The following DPP10 variants were observed in gnomAD, a reference collection of about 807,000 sequenced individuals.
The protein encoded by DPP10 is inactive dipeptidyl peptidase 10.
A neutral mutation model predicts 120.9 loss-of-function variants in DPP10; 33 were observed. The observed-to-expected ratio is 0.27, with a 90% CI of 0.21 to 0.37. DPP10 has a LOEUF of 0.37. Among genes scored for constraint, DPP10 ranks in the 10% least tolerant of loss-of-function variants. The probability of loss-of-function intolerance (pLI) is 1.00; values close to 1 mark genes in which losing one functional copy is unlikely to be tolerated. For synonymous variants in DPP10, 337 were observed against 326.1 expected (o/e 1.03, Z -0.36); for missense variants, 816 against 942.8 (o/e 0.87, Z 1.76).
intron 1 of DPP10, among the ~76,000 whole-genome samples, chr2:115,058,146 G>A (rs967252877): frequency 6.6e-6 from 1 of 152,076 alleles, no homozygotes; most frequent in African/African-American, 2.4e-5. Flanking sequence ...CAGACTCTGC[G>A]AGAACATTCC....
Position 114,829,118 on chromosome 2 carries a change from C to G in DPP10, c.60+386280C>G, listed in dbSNP as rs989980828. Among the ~76,000 whole-genome samples the G allele has an allele frequency of 1.1e-4, 17 of 152,012 alleles. No homozygotes were observed. The East Asian group carries it at 1.6e-3, about 14-fold the overall frequency. Reference sequence around the variant, plus strand: ...CCTGGCCAAGATGGTGAAACCCCATCTCTACTAAAAAACTACAAAAATTAG... The same window carrying G: ...CCTGGCCAAGATGGTGAAACCCCATGTCTACTAAAAAACTACAAAAATTAG... On this transcript the variant is annotated intron_variant, in intron 1 of 25. Transcript: ENST00000410059.
intron 1 of DPP10, among the ~76,000 whole-genome samples, chr2:114,829,681 G>A (rs993880005): frequency 4.7e-5 from 7 of 150,076 alleles, no homozygotes; most frequent in African/African-American, 1.5e-4. Flanking sequence ...CTGGCCGGAC[G>A]TTTTTTTTTA....
At chr2:115,491,156 A>G (rs1221752814) in intron 3 of DPP10, among the ~76,000 whole-genome samples, 1 of 152,152 alleles carries the variant, frequency 6.6e-6, no homozygotes, top group Admixed American at 6.6e-5. Context: ...CTCCCCCAAA[A>G]AACCCATACC....
chr2:114,965,846 G>A (rs375699557), intron 1 of DPP10, among the ~76,000 whole-genome samples: 6 of 151,258 alleles, frequency 4.0e-5, no homozygotes, highest in African/African-American at 1.5e-4. Context: ...AGCACCTGTA[G>A]TCCCAGCTAC....
In DPP10 at chr2:115,471,743, T is replaced by C. The variant is rs1447201489; in HGVS notation, c.272-27767T>C. Among the ~76,000 whole-genome samples the C allele has an allele frequency of 2.0e-5, 3 of 150,198 alleles. No homozygotes were observed. The East Asian group carries it at 6.0e-4, about 30-fold the overall frequency. ...CTGGGACCACAGGCATACGCTACCATGCCAGACTAGTCTTTTTTTGTTTGT... is the reference window on the plus strand; with the variant it reads ...CTGGGACCACAGGCATACGCTACCACGCCAGACTAGTCTTTTTTTGTTTGT... On this transcript the variant is annotated intron_variant, in intron 3 of 25. Transcript: ENST00000410059.
chr2:114,801,288 G>GAAAA (rs112993269), intron 1 of DPP10, among the ~76,000 whole-genome samples: 14,273 of 142,750 alleles, frequency 0.1, 1,166 homozygotes, highest in African/African-American at 0.2. Context: ...AAGAAAAAAA[G>GAAAA]AAAGAAAGAA....
chr2:115,593,779 A>G (rs2082824650), intron 5 of DPP10, among the ~76,000 whole-genome samples: 2 of 152,282 alleles, frequency 1.3e-5, no homozygotes, highest in East Asian at 3.9e-4. Flanking sequence ...GGACCAATTT[A>G]TTTGCAACAC....
intron 1 of DPP10, among the ~76,000 whole-genome samples, chr2:114,939,932 T>TA (rs1696769978): frequency 6.6e-6 from 1 of 152,150 alleles, no homozygotes; most frequent in Non-Finnish European, 1.5e-5. Context: ...TAGAACACAT[T>TA]TATTGCACAA....
intron 5 of DPP10, among the ~76,000 whole-genome samples, chr2:115,650,373 T>C (rs1034526042): frequency 2.9e-5 from 4 of 138,540 alleles, no homozygotes; most frequent in Admixed American, 1.5e-4. Context: ...TCTTGAAGCA[T>C]TGGCATCCAG....
intron 1 of DPP10, among the ~76,000 whole-genome samples, chr2:114,535,328 G>T (rs535788630): frequency 6.6e-6 from 1 of 152,228 alleles, no homozygotes; most frequent in South Asian, 2.1e-4. Context: ...TCCTTATTAA[G>T]TTTAGGATAG....
chr2:114,791,165 A>T (rs910156801), intron 1 of DPP10, among the ~76,000 whole-genome samples: 1 of 152,156 alleles, frequency 6.6e-6, no homozygotes, highest in African/African-American at 2.4e-5. Flanking sequence ...TGTACATGTG[A>T]CCTACCCTTT....
chr2:115,775,652 A>G lies in DPP10; in HGVS notation c.1222-1556A>G, dbSNP rs575151505. Among the ~76,000 whole-genome samples, 4 of 152,220 alleles carry G rather than the reference A, an allele frequency of 2.6e-5. No homozygotes were observed. In the South Asian group the frequency reaches 6.2e-4, roughly 24 times the overall value. Reference sequence around the variant, plus strand: ...AATTTTATATTATTTTGAAAATGAAAAAATATGGCATGTCTTTAGTACAAT... The same window carrying G: ...AATTTTATATTATTTTGAAAATGAAGAAATATGGCATGTCTTTAGTACAAT... On this transcript the variant is annotated intron_variant, in intron 13 of 25. Coordinates refer to ENST00000410059, the MANE Select transcript of DPP10 (RefSeq NM_020868.6).
intron 1 of DPP10, among the ~76,000 whole-genome samples, chr2:114,816,339 T>C (rs894497036): frequency 1.3e-5 from 2 of 152,206 alleles, no homozygotes; most frequent in Non-Finnish European, 2.9e-5. Flanking sequence ...AAAGCAGCCA[T>C]AGGCAATACA....
chr2:115,369,455 A>G (rs933514783), intron 3 of DPP10, among the ~76,000 whole-genome samples: 5 of 152,050 alleles, frequency 3.3e-5, no homozygotes, highest in African/African-American at 1.2e-4. Flanking sequence ...GATTACTTAA[A>G]TATCAATTTA....
At chr2:115,816,984 C>T (rs1434942654) in intron 21 of DPP10, among the ~76,000 whole-genome samples, 2 of 150,390 alleles carry the variant, frequency 1.3e-5, no homozygotes, top group Admixed American at 6.6e-5. Flanking sequence ...CGCGGTGGCT[C>T]ACGCCTGTAA....
At chr2:115,659,499 A>T (rs2088711397) in intron 5 of DPP10, among the ~76,000 whole-genome samples, 1 of 152,296 alleles carries the variant, frequency 6.6e-6, no homozygotes, top group Admixed American at 6.5e-5. Flanking sequence ...CTACAATTCA[A>T]CCGAGTCTCT....
chr2:114,690,717 A>G (rs942245143), intron 1 of DPP10, among the ~76,000 whole-genome samples: 1 of 152,136 alleles, frequency 6.6e-6, no homozygotes, highest in Non-Finnish European at 1.5e-5. Context: ...ATCTACGAGC[A>G]TGGAATGTTT....
chr2:114,767,932 C>A (rs1166445030), intron 1 of DPP10, among the ~76,000 whole-genome samples: 1 of 151,874 alleles, frequency 6.6e-6, no homozygotes, highest in Non-Finnish European at 1.5e-5. Context: ...ACCAGCCAGG[C>A]CAACATGATG....
chr2:114,789,671 G>A lies in DPP10; in HGVS notation c.60+346833G>A, dbSNP rs545843292. Among the ~76,000 whole-genome samples, 7 of 152,252 alleles carry A rather than the reference G, an allele frequency of 4.6e-5. No individual in the cohort carries two copies. The South Asian group carries it at 8.3e-4, about 18-fold the overall frequency. On this transcript the variant is annotated intron_variant, in intron 1 of 25. Transcript: ENST00000410059. Reference sequence around the variant, plus strand: ...GTACGTGAGGTATGGAAAGAGAGACGACAGAAAAAGAAATCACCAAGTTTC... The same window carrying A: ...GTACGTGAGGTATGGAAAGAGAGACAACAGAAAAAGAAATCACCAAGTTTC...
Sources: allele counts gnomAD v4.1 joint callset (sites outside exome capture counted in the v4.1 genomes callset), GRCh38; gene constraint gnomAD v4.1.1; transcripts MANE v1.5; gene names NCBI Gene and HGNC (gene_info 2026-07-23, HGNC 2026-07-21).